Variants in NELL1 observed in about 807,000 individuals in gnomAD.
NELL1 encodes protein kinase C-binding protein NELL1.
NELL1 carries 76 observed loss-of-function variants against 107.4 expected under a neutral mutation model. That is an observed-to-expected ratio of 0.71 (90% CI 0.59 to 0.86). The LOEUF (loss-of-function observed/expected upper bound fraction) is 0.86. NELL1 is among the 40% of genes least tolerant of loss of function. The pLI is 0.00. For synonymous variants in NELL1, 353 were observed against 341.2 expected (o/e 1.03, Z -0.38); for missense variants, 1,024 against 1,005.5 (o/e 1.02, Z -0.25).
chr11:21,008,799 C>T (rs1453807379), intron 12 of NELL1, among the ~76,000 whole-genome samples: 1 of 151,988 alleles, frequency 6.6e-6, no homozygotes, highest in Non-Finnish European at 1.5e-5. Flanking sequence ...TCTAGTAACT[C>T]ATTAACATGC....
intron 3 of NELL1, among the ~76,000 whole-genome samples, chr11:20,800,066 C>G (rs1236418266): frequency 6.6e-6 from 1 of 152,132 alleles, no homozygotes; most frequent in Non-Finnish European, 1.5e-5. Flanking sequence ...GCGTAGTATC[C>G]CATGGTGTAT....
At chr11:21,494,070 T>C (rs951149456) in intron 15 of NELL1, among the ~76,000 whole-genome samples, 2 of 152,004 alleles carry the variant, frequency 1.3e-5, no homozygotes, top group Non-Finnish European at 2.9e-5. Context: ...GTGTGTGATA[T>C]TGATTTTTAC....
chr11:20,714,581 G>A (rs140664875), intron 2 of NELL1, among the ~76,000 whole-genome samples: 3 of 151,684 alleles, frequency 2.0e-5, no homozygotes, highest in Non-Finnish European at 2.9e-5. Flanking sequence ...CAGTGCAGTG[G>A]CATGTTGCCA....
chr11:20,776,280 A>T (rs960020361), intron 2 of NELL1, among the ~76,000 whole-genome samples: 2 of 151,998 alleles, frequency 1.3e-5, no homozygotes, highest in African/African-American at 4.8e-5. Context: ...TTCTACCAAA[A>T]ATACAAAAAT....
At chr11:21,429,033 T>C (rs948892574) in intron 15 of NELL1, among the ~76,000 whole-genome samples, 2 of 152,216 alleles carry the variant, frequency 1.3e-5, no homozygotes, top group African/African-American at 4.8e-5. Context: ...TAGCCAACAC[T>C]TGAGGCTTTA....
At chr11:21,429,545 G>A (rs1006811394) in intron 15 of NELL1, among the ~76,000 whole-genome samples, 2 of 152,176 alleles carry the variant, frequency 1.3e-5, no homozygotes, top group Non-Finnish European at 2.9e-5. Flanking sequence ...TGCAGTGCAT[G>A]ACAAAAATAT....
chr11:21,474,367 T>C (rs1021791384), intron 15 of NELL1, among the ~76,000 whole-genome samples: 1 of 151,988 alleles, frequency 6.6e-6, no homozygotes, highest in Admixed American at 6.6e-5. Flanking sequence ...CCACTGATTT[T>C]AGCTGTCTGT....
intron 14 of NELL1, among the ~76,000 whole-genome samples, chr11:21,315,059 G>A (rs117877257): frequency 0.026 from 3,973 of 152,158 alleles, 80 homozygotes; most frequent in African/African-American, 0.055. Context: ...GTGTCTCCAT[G>A]TTGGCCAGGC....
rs544447779 is a variant in NELL1 at position 21,263,887 on chromosome 11, A to T, written c.1549+34433A>T. ...TACAATTCTCACAGCCTTTATAGGT[A>T]TATAATCCTTAAAAAATGGAAAAAA... On this transcript the variant is annotated intron_variant, in intron 14 of 19. Coordinates refer to ENST00000357134, the MANE Select transcript of NELL1 (RefSeq NM_006157.5). Among the ~76,000 whole-genome samples the T allele has an allele frequency of 4.6e-5, 7 of 152,086 alleles. No homozygotes were observed. The East Asian group carries it at 1.4e-3, about 29-fold the overall frequency.
At chr11:20,993,892 CAAAAAAA>C (rs66593988) in intron 12 of NELL1, among the ~76,000 whole-genome samples, 38 of 124,868 alleles carry the variant, frequency 3.0e-4, no homozygotes, top group African/African-American at 1.1e-3. Flanking sequence ...TCTTTGTTGC[CAAAAAAA>C]AAAAAAAAAA....
chr11:21,355,227 A>C (rs1369167887), intron 14 of NELL1, among the ~76,000 whole-genome samples: 2 of 152,168 alleles, frequency 1.3e-5, no homozygotes, highest in Admixed American at 1.3e-4. Context: ...AAGCTCTCAA[A>C]GTCTGACACT....
intron 2 of NELL1, among the ~76,000 whole-genome samples, chr11:20,712,116 C>A (rs914680095): frequency 2.0e-5 from 3 of 152,050 alleles, no homozygotes; most frequent in African/African-American, 7.2e-5. Flanking sequence ...ATAACATATT[C>A]CCATATATTT....
intron 2 of NELL1, among the ~76,000 whole-genome samples, chr11:20,735,099 A>G (rs1473568236): frequency 1.3e-5 from 2 of 152,164 alleles, no homozygotes; most frequent in African/African-American, 4.8e-5. Context: ...GGTTACTAAG[A>G]AGAACCAATT....
At chr11:21,370,401 A>G (rs1454346951) in intron 14 of NELL1, among the ~76,000 whole-genome samples, 2 of 152,146 alleles carry the variant, frequency 1.3e-5, no homozygotes, top group African/African-American at 2.4e-5. Flanking sequence ...ATTAAGCTAT[A>G]TGGACTATCA....
chr11:21,127,298 G>A (rs1311866267), intron 13 of NELL1, among the ~76,000 whole-genome samples: 1 of 151,984 alleles, frequency 6.6e-6, no homozygotes, highest in Non-Finnish European at 1.5e-5. Context: ...AAATTTAGAA[G>A]AATAAGAAGA....
chr11:21,156,774 A>G (rs1490220932), intron 13 of NELL1, among the ~76,000 whole-genome samples: 1 of 152,076 alleles, frequency 6.6e-6, no homozygotes, highest in Admixed American at 6.6e-5. Flanking sequence ...ACTTAAGGGT[A>G]AAATCATTAG....
At chr11:20,937,951 G>A (rs1850762279) in intron 10 of NELL1, 92 bp downstream of exon 10, 2 of 1,216,140 alleles carry the variant, frequency 1.6e-6, no homozygotes. Context: ...GGGCATATTG[G>A]CCTGGATAGG....
chr11:21,005,807 G>A (rs1852315725), intron 12 of NELL1, among the ~76,000 whole-genome samples: 1 of 152,082 alleles, frequency 6.6e-6, no homozygotes, highest in African/African-American at 2.4e-5. Context: ...CCAGAGTGGT[G>A]GGTGCCACCA....
chr11:20,967,471 A>C (rs2134224336), intron 12 of NELL1, among the ~76,000 whole-genome samples: 1 of 152,298 alleles, frequency 6.6e-6, no homozygotes, highest in Admixed American at 6.5e-5. Flanking sequence ...CAGGGTGTTG[A>C]AAACAGAGAA....
Sources: gnomAD v4.1 joint callset for allele counts (sites outside exome capture counted in the v4.1 genomes callset) on GRCh38, gnomAD v4.1.1 for gene constraint, MANE v1.5 for transcripts, NCBI Gene and HGNC (gene_info 2026-07-23, HGNC 2026-07-21) for gene names.